Variants in PRDM15 observed in about 807,000 individuals in gnomAD.
PRDM15 encodes PR domain zinc finger protein 15.
In PRDM15, 64 loss-of-function variants were observed where a neutral mutation model predicts 128.6. That is an observed-to-expected ratio of 0.50 (90% confidence interval 0.41 to 0.61). The LOEUF (loss-of-function observed/expected upper bound fraction) is 0.61, where lower values mean the gene tolerates loss of function less well. Among genes scored for constraint, PRDM15 ranks in the 20% least tolerant of loss-of-function variants. The pLI is 0.00. For missense variants in PRDM15, 1,242 were observed against 1,569.1 expected (o/e 0.79, Z 3.52); for synonymous variants, 615 against 621.8 (o/e 0.99, Z 0.16).
In PRDM15 at chr21:41,878,613, T is replaced by C; in HGVS notation, c.-10+657A>G. On this transcript the variant is annotated intron_variant, in intron 1 of 23. Transcript: ENST00000398548. ...CCACCCCGGGTAGGCACGCGTCACC[T>C]GTCCATCCACCTCGCTACCTTCTCT... 7.5e-6 allele frequency: 6 copies of C among 804,382 alleles called. No individual in the cohort carries two copies. In the South Asian group the frequency reaches 8.7e-5, roughly 12 times the overall value. 49.8% of individuals were successfully genotyped at this position (804,382 alleles called of 1,614,324 possible).
intron 21 of PRDM15, among the ~76,000 whole-genome samples, chr21:41,806,006 T>TCACCACCACCATCACCAC (rs776230880): frequency 1.9e-4 from 8 of 42,438 alleles, no homozygotes; most frequent in African/African-American, 8.1e-4. Flanking sequence ...ACCACCACCA[T>TCACCACCACCATCACCAC]CACCACCACC....
Position 41,821,880 on chromosome 21 carries a change from A to T in PRDM15, c.1896+23T>A, listed in dbSNP as rs145381935. The T allele has an allele frequency of 5.7e-4, 912 of 1,612,164 alleles. 1 individual carries two copies. Among genetic ancestry groups the T allele is most frequent in the Non-Finnish European group, 7.1e-4 (832 of 1,179,730 alleles). ...ACCTTCCTCTCCAGACCACCCAGGC[A>T]CCGCGGGGCAAACCCGCCATACCTG... On this transcript the variant is annotated intron_variant, in intron 15 of 23. Transcript: ENST00000398548. The surrounding 1 kb of genome is among the most constrained non-coding windows in gnomAD (Gnocchi z 5.4).
intron 5 of PRDM15, 126 bp from the exon 6 acceptor site, chr21:41,847,317 G>A (rs750143222): frequency 1.3e-4 from 83 of 635,798 alleles, no homozygotes; most frequent in Non-Finnish European, 1.9e-4. Context: ...GGCAGCAGAC[G>A]GGCCTGTGGT....
chr21:41,808,012 T>C (rs1159094230), intron 21 of PRDM15, among the ~76,000 whole-genome samples: 1 of 152,194 alleles, frequency 6.6e-6, no homozygotes, highest in African/African-American at 2.4e-5. Flanking sequence ...TGCCTGACAG[T>C]GTTTGTGGGA....
At position 41,847,366 on chromosome 21, in the gene PRDM15, A is replaced by C. The variant is rs983842829; in HGVS notation, c.539-175T>G. Among the ~76,000 whole-genome samples the C allele has an allele frequency of 7.9e-5, 12 of 152,258 alleles. 2 individuals are homozygous for C. Among genetic ancestry groups the C allele is most frequent in the East Asian group, 3.9e-4 (2 of 5,184 alleles). On this transcript the variant is annotated intron_variant, in intron 5 of 23. Transcript: ENST00000398548. ...AGACACCATTTTCAGAGCTTTACAC[A>C]CATGGCTGATACGGTCGTGTGACTG...
chr21:41,837,845 G>A (rs1258891314), intron 8 of PRDM15, 89 bp downstream of exon 8: 1 of 1,453,092 alleles, frequency 6.9e-7, no homozygotes, highest in Non-Finnish European at 9.6e-7. Context: ...GGGCTTTCCT[G>A]CTGGGAAGGT....
chr21:41,828,260 C>A lies in PRDM15; in HGVS notation c.1440G>T (p.Lys480Asn), dbSNP rs773585234. The change falls in exon 12 of 24, where the codon AAG becomes AAT. Residue 480 changes from lysine to asparagine, a missense_variant. By Grantham distance (94) the Lys-to-Asn change is moderately conservative. This residue lies in a region of PRDM15 where 612 missense variants were observed against 717.0 expected (regional missense o/e 0.85). Coordinates refer to ENST00000398548, the MANE Select transcript of PRDM15 (RefSeq NM_001040424.3). This position sits in a 1 kb window ranked among gnomAD's most constrained non-coding sequence, Gnocchi z 5.7. ...AGGCAAACTTCTTGTCGCCGTGCTT[C>A]TTCTTGTGCTTGGAGAGGTTGCTGT... Reference protein sequence around the residue: ...STNSNLSKHKKKHGDKKFACE... With the variant: ...STNSNLSKHKNKHGDKKFACE... The A allele has an allele frequency of 1.7e-5, 27 of 1,613,958 alleles. No homozygotes were observed. The Admixed American group carries it at 4.2e-4, about 25-fold the overall frequency.
chr21:41,838,137 A>C, intron 7 of PRDM15, 74 bp from the exon 8 acceptor site: 2 of 1,524,882 alleles, frequency 1.3e-6, no homozygotes, highest in Non-Finnish European at 1.8e-6. Flanking sequence ...ATGGTGACAC[A>C]CTGCCCCATG....
chr21:41,829,954 AT>A lies in PRDM15; in HGVS notation c.1367-1622del, dbSNP rs1601259962. On this transcript the variant is annotated intron_variant, in intron 11 of 23. Coordinates refer to ENST00000398548, the MANE Select transcript of PRDM15 (RefSeq NM_001040424.3). ...AAATACCCAATCACATACTACACAA[AT>A]ACACAGTCAACACACACCACATAAA... Among the ~76,000 whole-genome samples, 23 of 151,856 alleles carry A rather than the reference AT, an allele frequency of 1.5e-4. No homozygotes were observed. In the East Asian group the frequency reaches 3.5e-3, roughly 23 times the overall value.
chr21:41,829,090 C>A, intron 11 of PRDM15, among the ~76,000 whole-genome samples: 1 of 146,716 alleles, frequency 6.8e-6, no homozygotes, highest in African/African-American at 2.5e-5. Flanking sequence ...ACACACGCCC[C>A]ACAGAAATAC....
rs2061445536 is a variant in PRDM15, at chr21:41,802,621, A to G, written c.2943+91T>C. On this transcript the variant is annotated intron_variant, in intron 23 of 23. Transcript: ENST00000398548. ...TGAAGTCCACATGTACACTGTGTAT[A>G]GTAAAAAGAGATGGAGTCACACACA... is the stretch of plus-strand genomic sequence containing the variant. 8 of 1,033,952 alleles carry G rather than the reference A, an allele frequency of 7.7e-6. No individual in the cohort carries two copies. The South Asian group carries it at 1.0e-4, about 13-fold the overall frequency. The allele number at this position is 1,033,952 out of a possible 1,614,324, so 64.0% of individuals were successfully genotyped here.
chr21:41,809,466 C>T (rs1434399185), intron 21 of PRDM15, among the ~76,000 whole-genome samples: 1 of 152,102 alleles, frequency 6.6e-6, no homozygotes, highest in Non-Finnish European at 1.5e-5. Flanking sequence ...CTCTTAACCT[C>T]GTGATCCACT....
In PRDM15 at chr21:41,810,584, G is replaced by A. The variant is rs2061833325; in HGVS notation, c.2476+169C>T. Reference sequence around the variant, plus strand: ...TCAAGAAGGGATACTTGAAAGCTGTGGCGGGTTGACCTTCAGAGGCCAAGG... The same window carrying A: ...TCAAGAAGGGATACTTGAAAGCTGTAGCGGGTTGACCTTCAGAGGCCAAGG... On this transcript the variant is annotated intron_variant, in intron 20 of 23. Transcript: ENST00000398548. The surrounding 1 kb of genome is among the most constrained non-coding windows in gnomAD (Gnocchi z 6.4). The A allele has an allele frequency of 4.6e-6, 3 of 645,988 alleles. No individual in the cohort carries two copies. The highest frequency in any genetic ancestry group is 5.3e-6 in the Non-Finnish European group (2 of 375,100). 40.0% of individuals were successfully genotyped at this position (645,988 alleles called of 1,614,324 possible).
chr21:41,867,559 G>A (rs998653490), intron 1 of PRDM15, among the ~76,000 whole-genome samples: 10 of 152,300 alleles, frequency 6.6e-5, no homozygotes, highest in African/African-American at 1.7e-4. Flanking sequence ...CCCTCCTGCC[G>A]CAGCCTCCGC....
chr21:41,806,411 AT>A, intron 21 of PRDM15, among the ~76,000 whole-genome samples: 1 of 38,012 alleles, frequency 2.6e-5, no homozygotes, highest in African/African-American at 7.6e-5. Context: ...CACCACCACC[AT>A]CACCACCACC....
intron 10 of PRDM15, among the ~76,000 whole-genome samples, chr21:41,835,799 C>A (rs115356271): frequency 1.9e-3 from 283 of 152,312 alleles, no homozygotes; most frequent in African/African-American, 6.6e-3. Context: ...CTGACCAGGA[C>A]GAGGGGCTGA....
intron 6 of PRDM15, among the ~76,000 whole-genome samples, chr21:41,846,134 T>C (rs1199332853): frequency 6.6e-6 from 1 of 152,172 alleles, no homozygotes; most frequent in Non-Finnish European, 1.5e-5. Flanking sequence ...GCTGTCCCAG[T>C]CACTCCTCAC....
At chr21:41,809,709 T>C (rs911167957) in intron 21 of PRDM15, among the ~76,000 whole-genome samples, 8 of 152,196 alleles carry the variant, frequency 5.3e-5, no homozygotes, top group African/African-American at 1.9e-4. Flanking sequence ...GCACATTTAA[T>C]TACGGAACAT....
At chr21:41,807,658 G>A (rs7279467) in intron 21 of PRDM15, among the ~76,000 whole-genome samples, 43,784 of 152,046 alleles carry the variant, frequency 0.29, 7,063 homozygotes, top group Admixed American at 0.4. Flanking sequence ...AGGAGGGCAG[G>A]GATGGACCCT....
Sources: allele counts gnomAD v4.1 joint callset (sites outside exome capture counted in the v4.1 genomes callset), GRCh38; gene constraint gnomAD v4.1.1; regional missense constraint gnomAD v4.1.1; non-coding constraint Gnocchi (gnomAD v3.1); transcripts MANE v1.5; gene names NCBI Gene and HGNC (gene_info 2026-07-23, HGNC 2026-07-21).